Variants in HS6ST3 observed in about 807,000 individuals in gnomAD.
HS6ST3 encodes heparan sulfate 6-O-sulfotransferase 3.
A neutral mutation model predicts 36.7 loss-of-function variants in HS6ST3; 12 were observed. That is an observed-to-expected ratio of 0.33 (90% CI 0.21 to 0.53). The LOEUF is 0.53. Among genes scored for constraint, HS6ST3 ranks in the 20% least tolerant of loss-of-function variants. The probability of loss-of-function intolerance (pLI) is 0.95; values close to 1 mark genes in which losing one functional copy is unlikely to be tolerated. For missense variants in HS6ST3, 584 were observed against 640.9 expected (o/e 0.91, Z 0.96); for synonymous variants, 240 against 257.5 (o/e 0.93, Z 0.65).
rs140384595 is a variant in HS6ST3 at position 96,102,411 on chromosome 13, G to C, written c.707+10842G>C. 1.1e-4 allele frequency among the ~76,000 whole-genome samples: 16 copies of C among 152,246 alleles called. 1 individual carries two copies. Among genetic ancestry groups the C allele is most frequent in the African/African-American group, 3.9e-4 (16 of 41,548 alleles). On this transcript the variant is annotated intron_variant, in intron 1 of 1. Transcript: ENST00000376705. ...GCAGGATAATTGCTTGAACCCAGGA[G>C]GGGGAGGTTGCAGTGAGCCAATATC...
chr13:96,317,358 ATATATATATAAAAT>A (rs1230629817), intron 1 of HS6ST3, among the ~76,000 whole-genome samples: 1 of 31,846 alleles, frequency 3.1e-5, no homozygotes, highest in Non-Finnish European at 6.7e-5. Context: ...ATATATATAT[ATATATATATAAAAT>A]TATATATATA....
intron 1 of HS6ST3, among the ~76,000 whole-genome samples, chr13:96,688,401 G>A (rs561911037): frequency 8.6e-5 from 13 of 151,768 alleles, no homozygotes; most frequent in Non-Finnish European, 1.3e-4. Context: ...ATGTGGCTTC[G>A]TCAAGCTGAG....
intron 1 of HS6ST3, among the ~76,000 whole-genome samples, chr13:96,810,623 G>A (rs541975382): frequency 6.6e-6 from 1 of 152,228 alleles, no homozygotes; most frequent in East Asian, 1.9e-4. Flanking sequence ...GTTCAAGTAA[G>A]TGGTGTCAAA....
At chr13:96,238,209 T>C (rs111922542) in intron 1 of HS6ST3, among the ~76,000 whole-genome samples, 6 of 152,270 alleles carry the variant, frequency 3.9e-5, no homozygotes, top group African/African-American at 1.4e-4. Context: ...ACATGCAATT[T>C]GTCACCAAAA....
At chr13:96,534,412 CTT>C (rs902746795) in intron 1 of HS6ST3, among the ~76,000 whole-genome samples, 1 of 152,174 alleles carries the variant, frequency 6.6e-6, no homozygotes, top group African/African-American at 2.4e-5. Context: ...ATCAAACTGA[CTT>C]TTATATGTCT....
intron 1 of HS6ST3, among the ~76,000 whole-genome samples, chr13:96,629,038 C>A (rs539046766): frequency 1.3e-5 from 2 of 151,878 alleles, no homozygotes; most frequent in African/African-American, 2.4e-5. Flanking sequence ...CATTTTTGGC[C>A]TCCTTTGGAA....
chr13:96,096,713 C>T (rs1399896273), intron 1 of HS6ST3, among the ~76,000 whole-genome samples: 2 of 152,198 alleles, frequency 1.3e-5, no homozygotes, highest in Non-Finnish European at 2.9e-5. Context: ...AAATATAACA[C>T]AACTTGCCAC....
chr13:96,710,669 G>A (rs890076777), intron 1 of HS6ST3, among the ~76,000 whole-genome samples: 4 of 152,240 alleles, frequency 2.6e-5, no homozygotes, highest in Non-Finnish European at 5.9e-5. Flanking sequence ...GGATACTGCG[G>A]GAGGACCCGA....
intron 1 of HS6ST3, among the ~76,000 whole-genome samples, chr13:96,706,585 G>C (rs1319376615): frequency 6.6e-6 from 1 of 151,612 alleles, no homozygotes; most frequent in African/African-American, 2.4e-5. Context: ...TAATTGCAGG[G>C]CTTTTGTTTT....
intron 1 of HS6ST3, among the ~76,000 whole-genome samples, chr13:96,219,289 C>T (rs1261540527): frequency 6.6e-6 from 1 of 152,158 alleles, no homozygotes; most frequent in Non-Finnish European, 1.5e-5. Flanking sequence ...ATCGAGCTAA[C>T]ATGTATATAA....
chr13:96,691,753 G>A (rs539803483), intron 1 of HS6ST3, among the ~76,000 whole-genome samples: 247 of 152,140 alleles, frequency 1.6e-3, no homozygotes, highest in African/African-American at 5.4e-3. Context: ...ATTTGGATGT[G>A]TAACCTAAAG....
chr13:96,310,613 C>T (rs2054935851), intron 1 of HS6ST3, among the ~76,000 whole-genome samples: 2 of 149,994 alleles, frequency 1.3e-5, no homozygotes, highest in Non-Finnish European at 3.0e-5. Context: ...CCCTCCCTGC[C>T]TCCCTCCCTA....
intron 1 of HS6ST3, among the ~76,000 whole-genome samples, chr13:96,560,889 T>C (rs1004566864): frequency 6.6e-6 from 1 of 152,114 alleles, no homozygotes; most frequent in African/African-American, 2.4e-5. Flanking sequence ...AATCATAGAT[T>C]ACCCAAACAA....
At chr13:96,559,844 T>A (rs1433609299) in intron 1 of HS6ST3, among the ~76,000 whole-genome samples, 1 of 152,168 alleles carries the variant, frequency 6.6e-6, no homozygotes, top group Non-Finnish European at 1.5e-5. Context: ...CAGCTGGGAA[T>A]TGCAATATAG....
intron 1 of HS6ST3, among the ~76,000 whole-genome samples, chr13:96,272,222 CAT>C (rs2054723773): frequency 6.6e-6 from 1 of 152,006 alleles, no homozygotes; most frequent in Non-Finnish European, 1.5e-5. Flanking sequence ...GAATTCAAAA[CAT>C]ATTTCTGCAT....
chr13:96,274,837 CT>C, intron 1 of HS6ST3, among the ~76,000 whole-genome samples: 1 of 111,106 alleles, frequency 9.0e-6, no homozygotes, highest in South Asian at 3.2e-4. Flanking sequence ...TAACTTAGTC[CT>C]TCACACACAC....
chr13:96,347,100 C>T (rs1343635272), intron 1 of HS6ST3, among the ~76,000 whole-genome samples: 1 of 152,152 alleles, frequency 6.6e-6, no homozygotes, highest in Non-Finnish European at 1.5e-5. Flanking sequence ...TGGCTGCCAC[C>T]TTCATTGCAG....
chr13:96,315,548 T>C (rs1055387839), intron 1 of HS6ST3, among the ~76,000 whole-genome samples: 6 of 152,140 alleles, frequency 3.9e-5, no homozygotes, highest in African/African-American at 1.4e-4. Context: ...AATTTTTTCC[T>C]ATATAGAATG....
chr13:96,818,590 T>A (rs1225942382), intron 1 of HS6ST3, among the ~76,000 whole-genome samples: 1 of 152,170 alleles, frequency 6.6e-6, no homozygotes, highest in Non-Finnish European at 1.5e-5. Flanking sequence ...CTGGATAAAA[T>A]ACATGAAAGT....
Sources: allele counts gnomAD v4.1 joint callset (sites outside exome capture counted in the v4.1 genomes callset), GRCh38; gene constraint gnomAD v4.1.1; transcripts MANE v1.5; gene names NCBI Gene and HGNC (gene_info 2026-07-23, HGNC 2026-07-21).